Variants in SGPP2 observed in about 807,000 individuals in gnomAD.
The protein encoded by SGPP2 is sphingosine 1-phosphate phosphohydrolase 2.
A neutral mutation model predicts 33.9 loss-of-function variants in SGPP2; 30 were observed. The ratio of observed to expected loss-of-function variants is 0.89; its 90% CI spans 0.66 to 1.20. The LOEUF (loss-of-function observed/expected upper bound fraction) is 1.20, where lower values mean the gene tolerates loss of function less well. Ranked by LOEUF, SGPP2 falls within the 50% of genes most tolerant of loss-of-function variation. The pLI is 0.00. For synonymous variants in SGPP2, 233 were observed against 225.0 expected (o/e 1.04, Z -0.32); for missense variants, 458 against 532.1 (o/e 0.86, Z 1.37).
At chr2:222,428,589 C>T (rs1697106278) in intron 1 of SGPP2, among the ~76,000 whole-genome samples, 1 of 152,084 alleles carries the variant, frequency 6.6e-6, no homozygotes, top group South Asian at 2.1e-4. Flanking sequence ...CCTAGTTTCC[C>T]TCTTGAAACA....
At chr2:222,511,319 A>G (rs1490699718) in intron 2 of SGPP2, among the ~76,000 whole-genome samples, 3 of 152,188 alleles carry the variant, frequency 2.0e-5, no homozygotes, top group Non-Finnish European at 4.4e-5. Context: ...TTCTATCTAT[A>G]TATTACATTT....
chr2:222,558,733 C>T lies in SGPP2; in HGVS notation c.1035C>T (p.Leu345=). 1 of 1,614,190 alleles carries T rather than the reference C, an allele frequency of 6.2e-7. No individual in the cohort carries two copies. The highest frequency in any genetic ancestry group is 8.5e-7 in the Non-Finnish European group (1 of 1,180,038). ...ILLVRQLVQN[L]SLQVLYSWFK... is the part of the protein sequence containing the mutation. ...TGGTTCGTCAGCTTGTACAAAATCT[C>T]TCACTGCAAGTATTATACTCATGGT... The change falls in exon 5 of 5, where the codon CTC becomes CTT. Residue 345 remains leucine, a synonymous_variant. Coordinates refer to ENST00000321276, the MANE Select transcript of SGPP2 (RefSeq NM_152386.4).
chr2:222,445,766 C>A (rs147879228), intron 1 of SGPP2, among the ~76,000 whole-genome samples: 4 of 152,124 alleles, frequency 2.6e-5, no homozygotes, highest in Non-Finnish European at 5.9e-5. Context: ...CTCTGTAGAC[C>A]CCGAAGGCTT....
rs560772145 is a variant in SGPP2, at chr2:222,530,397, G to T, written c.648+5364G>T. Among the ~76,000 whole-genome samples the T allele has an allele frequency of 5.8e-4, 89 of 152,310 alleles. No homozygotes were observed. In the South Asian group the frequency reaches 0.018, roughly 31 times the overall value. ...TTTATCTACATTAAAACGCTGTTGT[G>T]TAACGTAGCCACCTTCATCAATGAC... On this transcript the variant is annotated intron_variant, in intron 4 of 4. Coordinates refer to ENST00000321276, the MANE Select transcript of SGPP2 (RefSeq NM_152386.4).
At chr2:222,439,204 A>G (rs1304186430) in intron 1 of SGPP2, among the ~76,000 whole-genome samples, 1 of 152,182 alleles carries the variant, frequency 6.6e-6, no homozygotes, top group Non-Finnish European at 1.5e-5. Flanking sequence ...GTGAAAGGCC[A>G]GAGGTCTCCT....
intron 1 of SGPP2, among the ~76,000 whole-genome samples, chr2:222,438,275 C>T (rs1257927047): frequency 5.9e-5 from 9 of 152,226 alleles, no homozygotes; most frequent in African/African-American, 2.2e-4. Context: ...GAGTTTTAGT[C>T]GGGCTTATTT....
chr2:222,531,366 C>G (rs552998648), intron 4 of SGPP2, among the ~76,000 whole-genome samples: 1 of 152,136 alleles, frequency 6.6e-6, no homozygotes, highest in African/African-American at 2.4e-5. Flanking sequence ...AATTCTGACA[C>G]CTGCTACAAC....
At chr2:222,448,604 T>C (rs1200721672) in intron 1 of SGPP2, among the ~76,000 whole-genome samples, 10 of 152,240 alleles carry the variant, frequency 6.6e-5, no homozygotes, top group Non-Finnish European at 1.5e-4. Context: ...TGTGTTGTTT[T>C]TGTTGGTAGC....
At chr2:222,467,490 C>G (rs1269300844) in intron 1 of SGPP2, among the ~76,000 whole-genome samples, 1 of 152,094 alleles carries the variant, frequency 6.6e-6, no homozygotes, top group East Asian at 1.9e-4. Context: ...CTCAGGAGAT[C>G]AAGTCATTTA....
At chr2:222,486,019 G>A (rs1028612817) in intron 2 of SGPP2, among the ~76,000 whole-genome samples, 1 of 152,200 alleles carries the variant, frequency 6.6e-6, no homozygotes, top group Admixed American at 6.5e-5. Flanking sequence ...TTCCCAGGGA[G>A]CCCTCTCTAG....
At chr2:222,483,323 G>A (rs1306535458) in intron 2 of SGPP2, among the ~76,000 whole-genome samples, 2 of 147,962 alleles carry the variant, frequency 1.4e-5, no homozygotes, top group African/African-American at 5.0e-5. Flanking sequence ...TTTTTTTTCT[G>A]TAGAGCCAAA....
At chr2:222,426,962 C>T (rs1207025159) in intron 1 of SGPP2, among the ~76,000 whole-genome samples, 2 of 152,234 alleles carry the variant, frequency 1.3e-5, no homozygotes, top group African/African-American at 4.8e-5. Context: ...CCCACTCATC[C>T]TTCTATTTCC....
At chr2:222,433,454 A>C (rs563040751) in intron 1 of SGPP2, among the ~76,000 whole-genome samples, 1 of 152,310 alleles carries the variant, frequency 6.6e-6, no homozygotes, top group East Asian at 1.9e-4. Flanking sequence ...GTGGCTGGTG[A>C]GGAAGAACAA....
At position 222,558,851 on chromosome 2, in the gene SGPP2, G is replaced by C. The variant is rs758647192; in HGVS notation, c.1153G>C (p.Ala385Pro). ...FVTYTSVGIC[A>P]TTFVPMLHRF... is the part of the protein sequence containing the mutation. ...TACCTACACATCTGTTGGCATCTGC[G>C]CTACAACCTTTGTGCCGATGCTTCA... The change falls in exon 5 of 5, where the codon GCT (alanine) becomes CCT (proline). Residue 385 changes from alanine to proline, a missense_variant. By Grantham distance (27) the Ala-to-Pro change is conservative (BLOSUM62 -1). Coordinates refer to ENST00000321276, the MANE Select transcript of SGPP2 (RefSeq NM_152386.4). 4 of 1,613,350 alleles carry C rather than the reference G, an allele frequency of 2.5e-6. No individual in the cohort carries two copies. In the South Asian group the frequency reaches 4.4e-5, roughly 18 times the overall value.
At position 222,472,909 on chromosome 2, in the gene SGPP2, GAGGCTGAGGC is replaced by G. The variant is rs149482967; in HGVS notation, c.220-1655_220-1646del. 3.9e-4 allele frequency among the ~76,000 whole-genome samples: 59 copies of G among 152,300 alleles called. 1 individual carries two copies. The East Asian group carries it at 0.011, about 29-fold the overall frequency. The stretch of plus-strand genomic sequence containing the variant: ...CACTTCTGTAGTCTCAGTTACTTGG[GAGGCTGAGGC>G]AGGAGAATCGCTTGAACCTGGGAGG... On this transcript the variant is annotated intron_variant, in intron 1 of 4. Coordinates refer to ENST00000321276, the MANE Select transcript of SGPP2 (RefSeq NM_152386.4).
chr2:222,462,026 C>T (rs975921966), intron 1 of SGPP2, among the ~76,000 whole-genome samples: 2 of 152,176 alleles, frequency 1.3e-5, no homozygotes, highest in Non-Finnish European at 2.9e-5. Flanking sequence ...TGAGTCATGC[C>T]TGTCCCCAGG....
intron 1 of SGPP2, among the ~76,000 whole-genome samples, chr2:222,427,422 T>TTTG (rs1030376797): frequency 5.8e-4 from 88 of 151,700 alleles, no homozygotes; most frequent in African/African-American, 1.6e-3. Context: ...CATCATCTGG[T>TTTG]TTGTTGTTGT....
chr2:222,490,773 A>G (rs1698185334), intron 2 of SGPP2, among the ~76,000 whole-genome samples: 1 of 152,174 alleles, frequency 6.6e-6, no homozygotes, highest in Admixed American at 6.5e-5. Flanking sequence ...CTAGAGGTTG[A>G]TATGAGTGAG....
chr2:222,553,215 A>G (rs180834423), intron 4 of SGPP2, among the ~76,000 whole-genome samples: 1 of 152,370 alleles, frequency 6.6e-6, no homozygotes, highest in Non-Finnish European at 1.5e-5. Context: ...GTGTTAATAC[A>G]TGAAGATATT....
Sources: allele counts gnomAD v4.1 joint callset (sites outside exome capture counted in the v4.1 genomes callset), GRCh38; gene constraint gnomAD v4.1.1; transcripts MANE v1.5; gene names NCBI Gene and HGNC (gene_info 2026-07-23, HGNC 2026-07-21).